SLC35F3: variants seen among roughly 807,000 people sequenced by gnomAD.
The protein encoded by SLC35F3 is putative thiamine transporter SLC35F3.
A neutral mutation model predicts 49.9 loss-of-function variants in SLC35F3; 25 were observed. The ratio of observed to expected loss-of-function variants is 0.50; its 90% CI spans 0.37 to 0.70. The LOEUF (loss-of-function observed/expected upper bound fraction) is 0.70. Ranked by LOEUF, SLC35F3 falls within the 30% of genes least tolerant of loss-of-function variation. SLC35F3 has a pLI of 0.00. For missense variants in SLC35F3, 525 were observed against 639.8 expected (o/e 0.82, Z 1.94); for synonymous variants, 275 against 265.4 (o/e 1.04, Z -0.35).
At chr1:234,012,966 C>T (rs936800769) in intron 2 of SLC35F3, among the ~76,000 whole-genome samples, 1 of 152,130 alleles carries the variant, frequency 6.6e-6, no homozygotes, top group African/African-American at 2.4e-5. Context: ...TGGCCTTGAT[C>T]TATAAAACAT....
At chr1:233,906,931 A>G (rs944946513) in intron 2 of SLC35F3, among the ~76,000 whole-genome samples, 1 of 152,194 alleles carries the variant, frequency 6.6e-6, no homozygotes, top group African/African-American at 2.4e-5. Context: ...CATTGGGTAT[A>G]AGCCTTTAAA....
intron 2 of SLC35F3, among the ~76,000 whole-genome samples, chr1:234,125,505 T>C (rs1665633793): frequency 6.6e-6 from 1 of 152,094 alleles, no homozygotes; most frequent in African/African-American, 2.4e-5. Context: ...CTGCACCTGC[T>C]GTCAGTGAGG....
intron 2 of SLC35F3, among the ~76,000 whole-genome samples, chr1:234,097,852 G>A (rs1665147288): frequency 6.6e-6 from 1 of 152,234 alleles, no homozygotes; most frequent in Non-Finnish European, 1.5e-5. Flanking sequence ...ATATGAAAGA[G>A]ATGAAGAGAC....
rs150868644 is a variant in SLC35F3 at position 233,944,151 on chromosome 1, A to G, written c.283+38393A>G. ...GAACTAGAAAGCCAAAAGAAAACCA[A>G]CCTGAAAGCTAGCAGAAGATAAGAA... On this transcript the variant is annotated intron_variant, in intron 2 of 7. Transcript: ENST00000366618. 3.1e-3 allele frequency among the ~76,000 whole-genome samples: 475 copies of G among 152,312 alleles called. 3 individuals carry two copies. The highest frequency in any genetic ancestry group is 0.011 in the African/African-American group (463 of 41,578).
At chr1:234,149,246 G>C (rs955831332) in intron 2 of SLC35F3, among the ~76,000 whole-genome samples, 2 of 152,152 alleles carry the variant, frequency 1.3e-5, no homozygotes, top group Non-Finnish European at 2.9e-5. Context: ...AATACCCATG[G>C]GGGACATTGT....
At chr1:234,121,261 T>C (rs1474100221) in intron 2 of SLC35F3, among the ~76,000 whole-genome samples, 1 of 149,198 alleles carries the variant, frequency 6.7e-6, no homozygotes, top group Non-Finnish European at 1.5e-5. Context: ...CTCAGCCTCC[T>C]CAGTAGCTGG....
Position 234,093,114 on chromosome 1 carries a change from A to G in SLC35F3, c.284-138303A>G, listed in dbSNP as rs116358480. Among the ~76,000 whole-genome samples, 780 of 152,328 alleles carry G rather than the reference A, an allele frequency of 5.1e-3. 8 individuals carry two copies. Among genetic ancestry groups the G allele is most frequent in the African/African-American group, 0.018 (739 of 41,560 alleles). Reference sequence around the variant, plus strand: ...TGGGCCTCAATTTCCTAATTTGTGGAAAGTTATAGCATGAGCTAATTGTAT... The same window carrying G: ...TGGGCCTCAATTTCCTAATTTGTGGGAAGTTATAGCATGAGCTAATTGTAT... On this transcript the variant is annotated intron_variant, in intron 2 of 7. Transcript: ENST00000366618.
intron 2 of SLC35F3, among the ~76,000 whole-genome samples, chr1:234,158,700 G>A (rs1235332001): frequency 6.6e-6 from 1 of 152,156 alleles, no homozygotes; most frequent in Non-Finnish European, 1.5e-5. Context: ...TCCTAGACAT[G>A]GAATTGGTTG....
intron 3 of SLC35F3, among the ~76,000 whole-genome samples, chr1:234,288,518 C>A (rs1372184108): frequency 6.6e-6 from 1 of 152,190 alleles, no homozygotes; most frequent in Non-Finnish European, 1.5e-5. Context: ...TGTCTGTTGG[C>A]AGCATGAGAG....
chr1:234,013,297 A>G (rs1381368833), intron 2 of SLC35F3, among the ~76,000 whole-genome samples: 1 of 152,204 alleles, frequency 6.6e-6, no homozygotes, highest in Non-Finnish European at 1.5e-5. Context: ...TTAAAATAGC[A>G]AAAACAACCT....
At chr1:234,161,319 T>C (rs1215842609) in intron 2 of SLC35F3, among the ~76,000 whole-genome samples, 2 of 152,156 alleles carry the variant, frequency 1.3e-5, no homozygotes, top group Non-Finnish European at 2.9e-5. Context: ...GAGATCAAAT[T>C]GGTAGTAGAT....
Position 234,069,531 on chromosome 1 carries a change from C to T in SLC35F3, c.284-161886C>T, listed in dbSNP as rs111816633. ...CAGCCTCCCAAAGTACTGGGATTAC[C>T]GGCATGAGCCACCGCACCCGGCTGA... On this transcript the variant is annotated intron_variant, in intron 2 of 7. Coordinates refer to ENST00000366618, the MANE Select transcript of SLC35F3 (RefSeq NM_173508.4). Among the ~76,000 whole-genome samples, 250 of 152,114 alleles carry T rather than the reference C, an allele frequency of 1.6e-3. 1 individual carries two copies. Among genetic ancestry groups the T allele is most frequent in the Middle Eastern group, 6.8e-3 (2 of 294 alleles).
At chr1:234,090,938 C>T (rs539848209) in intron 2 of SLC35F3, among the ~76,000 whole-genome samples, 2 of 152,292 alleles carry the variant, frequency 1.3e-5, no homozygotes, top group East Asian at 1.9e-4. Flanking sequence ...GTTAGCCCTC[C>T]GTTTCAACAC....
At chr1:234,140,690 G>A (rs1438763699) in intron 2 of SLC35F3, among the ~76,000 whole-genome samples, 5 of 152,054 alleles carry the variant, frequency 3.3e-5, no homozygotes, top group Non-Finnish European at 5.9e-5. Flanking sequence ...ATAAAAATTC[G>A]GCAATGGAAA....
At chr1:234,253,610 T>C (rs1465461079) in intron 3 of SLC35F3, among the ~76,000 whole-genome samples, 2 of 152,042 alleles carry the variant, frequency 1.3e-5, no homozygotes, top group Non-Finnish European at 2.9e-5. Context: ...AAAAGAAGTA[T>C]ATAATTTAAA....
chr1:233,954,676 G>T (rs1323692458), intron 2 of SLC35F3, among the ~76,000 whole-genome samples: 1 of 151,842 alleles, frequency 6.6e-6, no homozygotes, highest in African/African-American at 2.4e-5. Flanking sequence ...TTTATCTTTT[G>T]CTCTTCCCTT....
chr1:234,145,396 T>C (rs570749384), intron 2 of SLC35F3, among the ~76,000 whole-genome samples: 6 of 152,096 alleles, frequency 3.9e-5, no homozygotes, highest in African/African-American at 1.4e-4. Flanking sequence ...TTTTTTCTGC[T>C]TGATCAGTTT....
intron 2 of SLC35F3, among the ~76,000 whole-genome samples, chr1:234,160,303 G>A (rs1369788238): frequency 6.6e-6 from 1 of 152,162 alleles, no homozygotes; most frequent in Non-Finnish European, 1.5e-5. Flanking sequence ...CAGGAGCCAT[G>A]AAGGACTCAG....
Position 234,231,462 on chromosome 1 carries a change from C to T in SLC35F3, c.329C>T (p.Ala110Val), listed in dbSNP as rs753460482. The T allele has an allele frequency of 2.5e-6, 4 of 1,609,660 alleles. No individual in the cohort carries two copies. In the South Asian group the frequency reaches 4.4e-5, roughly 18 times the overall value. ...RDSPGPAEAQ[A>V]PAGVEAGGRA... ...TCCCCGGGCCCGGCGGAGGCCCAGG[C>T]ACCGGCCGGGGTGGAGGCCGGCGGG... Residue 110 changes from alanine (A) to valine (V), a missense_variant, in exon 3 of 8, where the codon GCA becomes GTA. Transcript: ENST00000366618. The surrounding 1 kb of genome is among the most constrained non-coding windows in gnomAD (Gnocchi z 5.4).
Sources: allele counts gnomAD v4.1 joint callset (sites outside exome capture counted in the v4.1 genomes callset), GRCh38; gene constraint gnomAD v4.1.1; non-coding constraint Gnocchi (gnomAD v3.1); transcripts MANE v1.5; gene names NCBI Gene and HGNC (gene_info 2026-07-23, HGNC 2026-07-21).